The following DEPDC1 variants were observed in gnomAD, a reference collection of about 807,000 sequenced individuals.
The protein encoded by DEPDC1 is DEP domain containing 1.
Under a neutral mutation model 86.8 loss-of-function variants are expected in DEPDC1, and 66 were observed. The ratio of observed to expected loss-of-function variants is 0.76; its 90% CI spans 0.62 to 0.93. DEPDC1 has a LOEUF of 0.93. Among genes scored for constraint, DEPDC1 ranks in the 40% least tolerant of loss-of-function variants. DEPDC1 has a pLI of 0.00. For missense variants in DEPDC1, 792 were observed against 935.7 expected, an observed-to-expected ratio of 0.85 and a Z score of 2.00; for synonymous variants, 255 against 314.9, an observed-to-expected ratio of 0.81 and a Z score of 2.02.
intron 7 of DEPDC1, chr1:68,483,327 T>C (rs1646171195): frequency 1.9e-6 from 1 of 518,352 alleles, no homozygotes; most frequent in African/African-American, 1.9e-5. Context: ...AAGTCTTTAG[T>C]TACTCATAAC....
intron 9 of DEPDC1, among the ~76,000 whole-genome samples, 195 bp downstream of exon 9, chr1:68,481,245 T>C (rs1402003014): frequency 1.3e-5 from 2 of 151,978 alleles, no homozygotes; most frequent in East Asian, 1.9e-4. Flanking sequence ...CATCAGCATG[T>C]GAAAGTATAA....
Position 68,484,027 on chromosome 1 carries a change from G to A in DEPDC1, c.833C>T (p.Thr278Ile). The A allele has an allele frequency of 3.2e-6, 5 of 1,582,260 alleles. No homozygotes were observed. The highest frequency in any genetic ancestry group is 3.4e-6 in the Non-Finnish European group (4 of 1,163,992). Residue 278 changes from threonine (T) to isoleucine (I), a missense_variant, in exon 7 of 12, where the codon ACA becomes ATA. By Grantham distance (89) the Thr-to-Ile change is moderately conservative (BLOSUM62 -1). Transcript: ENST00000456315. ...YVGFERDVFR[T>I]IADYFLDLPE... is the part of the protein sequence containing the mutation. Reference sequence around the variant, plus strand: ...GAGATCTAGAAAATAATCTGCGATTGTTCTGAATACATCTCGTTCAAATCC... The same window carrying A: ...GAGATCTAGAAAATAATCTGCGATTATTCTGAATACATCTCGTTCAAATCC...
chr1:68,488,776 T>G, intron 4 of DEPDC1, 140 bp downstream of exon 4: 1 of 702,394 alleles, frequency 1.4e-6, no homozygotes, highest in Admixed American at 2.6e-5. Context: ...ACAAGAGTAT[T>G]TATTTAAAAA....
Position 68,477,935 on chromosome 1 carries a change from G to T in DEPDC1, c.2150C>A (p.Pro717Gln). Residue 717 changes from proline to glutamine, a missense_variant, in exon 11 of 12, where the codon CCA becomes CAA. By Grantham distance (76) the Pro-to-Gln change is moderately conservative. Transcript: ENST00000456315. ...AATCTGCTTACAGTATGAGTAAGTT[G>T]GCAAAGGAGCAAATAGTCCATCTCC... The part of the protein sequence containing the change: ...NPGDGLFAPL[P>Q]TYSYCKQISA... The T allele has an allele frequency of 6.4e-7, 1 of 1,562,842 alleles. No individual in the cohort carries two copies. The highest frequency in any genetic ancestry group is 1.3e-5 in the South Asian group (1 of 78,254).
intron 7 of DEPDC1, chr1:68,483,259 T>G (rs576275477): frequency 1.3e-5 from 7 of 523,914 alleles, no homozygotes; most frequent in African/African-American, 7.7e-5. Context: ...ATATTTGATC[T>G]TTGTCCTTGG....
intron 2 of DEPDC1, among the ~76,000 whole-genome samples, chr1:68,491,937 T>G (rs1646231897): frequency 6.6e-6 from 1 of 151,170 alleles, no homozygotes; most frequent in Non-Finnish European, 1.5e-5. Flanking sequence ...TTTTTTTTTT[T>G]GTAGAGACAG....
intron 7 of DEPDC1, chr1:68,483,315 A>G (rs1214786357): frequency 1.9e-6 from 1 of 519,280 alleles, no homozygotes; most frequent in East Asian, 5.5e-5. Context: ...CCTGAATGAT[A>G]GAAGTCTTTA....
chr1:68,481,762 G>A, intron 8 of DEPDC1, 150 bp from the exon 9 acceptor site: 2 of 680,530 alleles, frequency 2.9e-6, no homozygotes, highest in Admixed American at 3.5e-5. Flanking sequence ...CTAAAGCATG[G>A]TAAGATTCTC....
Position 68,488,998 on chromosome 1 carries a change from C to T in DEPDC1, c.508G>A (p.Glu170Lys). ...GEKIKHEIIN[E>K]DQENAIDNRE... Reference sequence around the variant, plus strand: ...TTATCAATTGCATTTTCTTGATCTTCATTGATTATTTCATGCTTTATTTTC... The same window carrying T: ...TTATCAATTGCATTTTCTTGATCTTTATTGATTATTTCATGCTTTATTTTC... The change falls in exon 4 of 12, where the codon GAA becomes AAA. Residue 170 changes from glutamate to lysine, a missense_variant. Coordinates refer to ENST00000456315, the MANE Select transcript of DEPDC1 (RefSeq NM_001114120.3). The T allele has an allele frequency of 1.2e-6, 2 of 1,606,928 alleles. No individual in the cohort carries two copies. The highest frequency in any genetic ancestry group is 1.7e-6 in the Non-Finnish European group (2 of 1,175,942).
In DEPDC1 at chr1:68,497,058, C is replaced by T. The variant is rs964321694; in HGVS notation, c.-59G>A. The T allele has an allele frequency of 5.0e-6, 8 of 1,585,938 alleles. No individual in the cohort carries two copies. The highest frequency in any genetic ancestry group is 4.3e-6 in the Non-Finnish European group (5 of 1,157,784). ...CGAAGGCGACACTCAGGCCCAGCGG[C>T]CGCGGCAGTGGCGAGTCTCGGCACA... On this transcript the variant is annotated 5_prime_UTR_variant, in exon 1 of 12. Transcript: ENST00000456315.
rs374133868 is a variant in DEPDC1 at position 68,475,396 on chromosome 1, G to A, written c.*1536C>T. The A allele has an allele frequency of 1.3e-5, 2 of 151,594 alleles. No homozygotes were observed. The highest frequency in any genetic ancestry group is 2.4e-5 in the African/African-American group (1 of 41,304). 9.4% of individuals were successfully genotyped at this position (151,594 alleles called of 1,614,324 possible). On this transcript the variant is annotated 3_prime_UTR_variant, in exon 12 of 12. Transcript: ENST00000456315. ...TTTTACATATCTATAAACAATAAAC[G>A]TTTTAGTATTCAAATGCCTTAGAAA... is the stretch of plus-strand genomic sequence containing the variant.
In DEPDC1 at chr1:68,481,597, T is replaced by A. The variant is rs747680374; in HGVS notation, c.1778A>T (p.His593Leu). The stretch of plus-strand genomic sequence containing the variant: ...AGCATCGATGGCAACCCTCTCTAAA[T>A]GAGGTTGCAGCAAGCCTAGAATACA... ...LTGTQSLLQPHLERVAIDALQ... is the reference protein window; with the variant it reads ...LTGTQSLLQPLLERVAIDALQ... The change falls in exon 9 of 12, where the codon CAT becomes CTT. Residue 593 changes from histidine to leucine, a missense_variant. Coordinates refer to ENST00000456315, the MANE Select transcript of DEPDC1 (RefSeq NM_001114120.3). 16 of 1,597,372 alleles carry A rather than the reference T, an allele frequency of 1.0e-5. No homozygotes were observed. The highest frequency in any genetic ancestry group is 1.3e-5 in the Non-Finnish European group (15 of 1,172,270).
In DEPDC1 at chr1:68,496,810, C is replaced by T. The variant is rs1646269017; in HGVS notation, c.48+142G>A. Reference sequence around the variant, plus strand: ...GGGTTGCATACCCGCTACTTCTCCTCGCCAGCCTTTTCACTGAACCTAGGG... The same window carrying T: ...GGGTTGCATACCCGCTACTTCTCCTTGCCAGCCTTTTCACTGAACCTAGGG... On this transcript the variant is annotated intron_variant, in intron 1 of 11. Transcript: ENST00000456315. This position sits in a 1 kb window ranked among gnomAD's most constrained non-coding sequence, Gnocchi z 4.0. 6.2e-6 allele frequency: 5 copies of T among 809,448 alleles called. No homozygotes were observed. Among genetic ancestry groups the T allele is most frequent in the Non-Finnish European group, 1.0e-5 (5 of 492,910 alleles). The allele number at this position is 809,448 out of a possible 1,614,324, so 50.1% of individuals were successfully genotyped here.
intron 9 of DEPDC1, among the ~76,000 whole-genome samples, chr1:68,481,099 T>C (rs1646152182): frequency 6.6e-6 from 1 of 151,946 alleles, no homozygotes; most frequent in Non-Finnish European, 1.5e-5. Context: ...TCCTTAGGCT[T>C]TCAACAGTAC....
At chr1:68,493,741 AG>A (rs1263657601) in intron 2 of DEPDC1, among the ~76,000 whole-genome samples, 1 of 152,322 alleles carries the variant, frequency 6.6e-6, no homozygotes, top group African/African-American at 2.4e-5. Context: ...TTTTTGAGAT[AG>A]TCTTGCTCTG....
rs554154600 is a variant in DEPDC1 at position 68,484,007 on chromosome 1, C to A, written c.853G>T (p.Asp285Tyr). The part of the protein sequence containing the change: ...VFRTIADYFL[D>Y]LPEPLLTFEY... ...AAAGTAAGTAGAGGTTCAGGGAGAT[C>A]TAGAAAATAATCTGCGATTGTTCTG... Residue 285 changes from aspartate to tyrosine, a missense_variant, in exon 7 of 12, where the codon GAT becomes TAT. Physicochemically the swap from Asp to Tyr is radical, Grantham distance 160 (BLOSUM62 -3). Coordinates refer to ENST00000456315, the MANE Select transcript of DEPDC1 (RefSeq NM_001114120.3). 3.8e-6 allele frequency: 6 copies of A among 1,574,992 alleles called. 1 individual carries two copies. The East Asian group carries it at 9.1e-5, about 24-fold the overall frequency.
rs1646198173 is a variant in DEPDC1, at chr1:68,487,100, T to C, written c.722-116A>G. On this transcript the variant is annotated intron_variant, in intron 5 of 11. Coordinates refer to ENST00000456315, the MANE Select transcript of DEPDC1 (RefSeq NM_001114120.3). ...TGTATATACACATACACATACATGTTACATTTGTATATGTGTGTATTACCA... is the reference window on the plus strand; with the variant it reads ...TGTATATACACATACACATACATGTCACATTTGTATATGTGTGTATTACCA... 5 of 783,964 alleles carry C rather than the reference T, an allele frequency of 6.4e-6. No homozygotes were observed. The South Asian group carries it at 1.1e-4, about 17-fold the overall frequency. 48.6% of individuals were successfully genotyped at this position (783,964 alleles called of 1,614,324 possible).
rs1252625581 is a variant in DEPDC1 at position 68,475,970 on chromosome 1, A to G, written c.*962T>C. On this transcript the variant is annotated 3_prime_UTR_variant, in exon 12 of 12. Transcript: ENST00000456315. The stretch of plus-strand genomic sequence containing the variant: ...GGCCCTGGGCATATAGGCTGTTTTA[A>G]AATTCCTCGGGTGAGTCTAATGTGT... The G allele has an allele frequency of 1.3e-5, 2 of 151,818 alleles. No homozygotes were observed. The highest frequency in any genetic ancestry group is 3.0e-5 in the Non-Finnish European group (2 of 67,788). The allele number at this position is 151,818 out of a possible 1,614,324, so 9.4% of individuals were successfully genotyped here. A position where few individuals can be genotyped will look rare whatever the true frequency, so the allele number is the denominator to read the frequency against.
chr1:68,491,981 T>G (rs1646232221), intron 2 of DEPDC1, among the ~76,000 whole-genome samples: 1 of 150,922 alleles, frequency 6.6e-6, no homozygotes, highest in African/African-American at 2.4e-5. Context: ...GGTCTCGAAC[T>G]CCTGGGTTCA....
Sources: allele counts gnomAD v4.1 joint callset (sites outside exome capture counted in the v4.1 genomes callset), GRCh38; gene constraint gnomAD v4.1.1; non-coding constraint Gnocchi (gnomAD v3.1); transcripts MANE v1.5; gene names NCBI Gene and HGNC (gene_info 2026-07-23, HGNC 2026-07-21).